CHRM3: variants seen among roughly 807,000 people sequenced by gnomAD.
CHRM3 encodes the protein muscarinic acetylcholine receptor M3.
CHRM3 carries 11 observed loss-of-function variants against 41.8 expected under a neutral mutation model. That is an observed-to-expected ratio of 0.26 (90% CI 0.17 to 0.44). The LOEUF is 0.44. CHRM3 is among the 20% of genes least tolerant of loss of function. The pLI is 1.00. For synonymous variants in CHRM3, 297 were observed against 301.4 expected, an observed-to-expected ratio of 0.99 and a Z score of 0.15; for missense variants, 571 against 745.4, an observed-to-expected ratio of 0.77 and a Z score of 2.72.
intron 1 of CHRM3, among the ~76,000 whole-genome samples, chr1:239,491,866 T>C (rs1168803511): frequency 6.6e-6 from 1 of 152,204 alleles, no homozygotes; most frequent in African/African-American, 2.4e-5. Flanking sequence ...CCCTTCTGGG[T>C]TGTTTTGAAA....
At chr1:239,535,175 T>C (rs1658072359) in intron 2 of CHRM3, among the ~76,000 whole-genome samples, 1 of 152,082 alleles carries the variant, frequency 6.6e-6, no homozygotes, top group Non-Finnish European at 1.5e-5. Flanking sequence ...GGAAGGGGGA[T>C]GGACAAAGAA....
intron 5 of CHRM3, among the ~76,000 whole-genome samples, chr1:239,763,947 C>T (rs1667005764): frequency 6.6e-6 from 1 of 151,712 alleles, no homozygotes; most frequent in East Asian, 1.9e-4. Context: ...AAAAATTAGT[C>T]AGGCATGGTG....
At chr1:239,591,584 C>A (rs548078687) in intron 3 of CHRM3, among the ~76,000 whole-genome samples, 1 of 150,950 alleles carries the variant, frequency 6.6e-6, no homozygotes, top group African/African-American at 2.4e-5. Flanking sequence ...ATTCACCATG[C>A]GTGCCGTCTT....
At chr1:239,504,894 G>C (rs1668465866) in intron 2 of CHRM3, among the ~76,000 whole-genome samples, 2 of 151,920 alleles carry the variant, frequency 1.3e-5, no homozygotes, top group African/African-American at 2.4e-5. Flanking sequence ...TGATACAATG[G>C]ACTTTGGGGA....
intron 6 of CHRM3, among the ~76,000 whole-genome samples, chr1:239,831,903 T>A (rs551028525): frequency 6.6e-6 from 1 of 152,336 alleles, no homozygotes; most frequent in East Asian, 1.9e-4. Flanking sequence ...ATTATTTTCC[T>A]CCTAGAAGCA....
intron 5 of CHRM3, among the ~76,000 whole-genome samples, chr1:239,744,431 G>T (rs645248): frequency 3.3e-5 from 5 of 152,106 alleles, no homozygotes; most frequent in African/African-American, 1.2e-4. Context: ...CAGGGAAAGC[G>T]TCACTGAGAG....
chr1:239,856,705 G>T (rs1572502862), intron 6 of CHRM3, among the ~76,000 whole-genome samples: 1 of 152,220 alleles, frequency 6.6e-6, no homozygotes, highest in East Asian at 1.9e-4. Context: ...GGGAGGGTGA[G>T]TTGAGAAAGT....
At chr1:239,449,733 G>GGT (rs149312544) in intron 1 of CHRM3, among the ~76,000 whole-genome samples, 4,723 of 143,640 alleles carry the variant, frequency 0.033, 223 homozygotes, top group African/African-American at 0.11. Flanking sequence ...GTCACATTCT[G>GGT]GTGTGTGTGT....
chr1:239,803,963 C>T (rs1050140617), intron 5 of CHRM3, among the ~76,000 whole-genome samples: 1 of 152,216 alleles, frequency 6.6e-6, no homozygotes, highest in Admixed American at 6.5e-5. Context: ...TGGTTTCCTG[C>T]CTTTCTAAGA....
At chr1:239,669,066 A>G (rs1674100273) in intron 4 of CHRM3, among the ~76,000 whole-genome samples, 1 of 152,122 alleles carries the variant, frequency 6.6e-6, no homozygotes, top group African/African-American at 2.4e-5. Context: ...TCCCTGAGGC[A>G]CTGTCAGCAT....
At chr1:239,436,428 C>T (rs1663275660) in intron 1 of CHRM3, among the ~76,000 whole-genome samples, 1 of 152,004 alleles carries the variant, frequency 6.6e-6, no homozygotes, top group Admixed American at 6.6e-5. Context: ...TCTCACTGGA[C>T]CATTAGGAGA....
chr1:239,611,687 G>A (rs1667084049), intron 3 of CHRM3, among the ~76,000 whole-genome samples: 1 of 152,052 alleles, frequency 6.6e-6, no homozygotes, highest in Non-Finnish European at 1.5e-5. Flanking sequence ...CCAAAGTGCT[G>A]GGATTACAGG....
intron 1 of CHRM3, among the ~76,000 whole-genome samples, chr1:239,482,514 A>G (rs1042246401): frequency 6.6e-6 from 1 of 152,166 alleles, no homozygotes; most frequent in Admixed American, 6.5e-5. Context: ...TACCTCTCAC[A>G]TCACTACTCT....
intron 3 of CHRM3, among the ~76,000 whole-genome samples, chr1:239,549,588 G>C (rs543694811): frequency 6.0e-5 from 9 of 151,098 alleles, no homozygotes; most frequent in Non-Finnish European, 7.4e-5. Context: ...TGGAGCCTGT[G>C]GGGTGGAGGT....
intron 5 of CHRM3, among the ~76,000 whole-genome samples, chr1:239,712,443 CA>C (rs1661902931): frequency 6.6e-6 from 1 of 152,096 alleles, no homozygotes; most frequent in Admixed American, 6.5e-5. Context: ...TTGAAAATGA[CA>C]AAATTCACCT....
At chr1:239,402,759 A>G (rs2102987598) in intron 1 of CHRM3, among the ~76,000 whole-genome samples, 1 of 152,354 alleles carries the variant, frequency 6.6e-6, no homozygotes, top group South Asian at 2.1e-4. Context: ...AAATCACAGG[A>G]TGCTCAAGTC....
chr1:239,751,463 A>G (rs1026161526), intron 5 of CHRM3, among the ~76,000 whole-genome samples: 3 of 152,202 alleles, frequency 2.0e-5, no homozygotes, highest in African/African-American at 7.2e-5. Context: ...TGCAAAGTAA[A>G]TCTCTAATTT....
At chr1:239,793,329 G>A (rs1669498528) in intron 5 of CHRM3, among the ~76,000 whole-genome samples, 1 of 152,168 alleles carries the variant, frequency 6.6e-6, no homozygotes, top group Admixed American at 6.5e-5. Flanking sequence ...TAACCATGTT[G>A]TCATTCCTGG....
intron 4 of CHRM3, among the ~76,000 whole-genome samples, chr1:239,670,599 C>T (rs1361877674): frequency 1.3e-5 from 2 of 152,200 alleles, no homozygotes; most frequent in African/African-American, 2.4e-5. Flanking sequence ...CAACCTCTGC[C>T]TCCCAGATTC....
Sources: allele counts gnomAD v4.1 joint callset (sites outside exome capture counted in the v4.1 genomes callset), GRCh38; gene constraint gnomAD v4.1.1; transcripts MANE v1.5; gene names NCBI Gene and HGNC (gene_info 2026-07-23, HGNC 2026-07-21).